SHROOM4: variants seen among roughly 807,000 people sequenced by gnomAD.
SHROOM4 encodes protein Shroom4.
Under a neutral mutation model 80.3 loss-of-function variants are expected in SHROOM4, and 17 were observed. That is an observed-to-expected ratio of 0.21 (90% CI 0.14 to 0.32). The LOEUF (loss-of-function observed/expected upper bound fraction) is 0.32. SHROOM4 is among the 10% of genes least tolerant of loss of function. SHROOM4 has a pLI of 1.00. For synonymous variants in SHROOM4, 400 were observed against 437.5 expected (o/e 0.91, Z 1.07); for missense variants, 993 against 1,140.3 (o/e 0.87, Z 1.86).
chrX:50,644,309 C>T (rs1931737924), intron 2 of SHROOM4, among the ~76,000 whole-genome samples: 2 of 111,964 alleles, frequency 1.8e-5, no homozygotes, highest in African/African-American at 6.5e-5. Context: ...TGGCAACTTA[C>T]TCCCACTCTC....
At position 50,596,156 on chromosome X, in the gene SHROOM4, A is replaced by AT. The variant is rs782191701; in HGVS notation, c.*538dup. The AT allele has an allele frequency of 3.5e-3, 1,166 of 328,633 alleles. 7 individuals carry two copies. Among genetic ancestry groups the AT allele is most frequent in the Non-Finnish European group, 3.8e-3 (642 of 169,963 alleles). 27.1% of individuals were successfully genotyped at this position (328,633 alleles called of 1,213,427 possible). ...CTGGGGGTACTCAACCTTTGCTTGC[A>AT]TTTTTTTCAGTGTAATTCCTCCCTC... On this transcript the variant is annotated 3_prime_UTR_variant, in exon 9 of 9. Transcript: ENST00000376020.
chrX:50,746,093 T>C lies in SHROOM4; in HGVS notation c.118-50156A>G, dbSNP rs893417794. 3.6e-5 allele frequency among the ~76,000 whole-genome samples: 4 copies of C among 111,908 alleles called. 1 individual carries two copies. Among genetic ancestry groups the C allele is most frequent in the Middle Eastern group, 9.3e-3 (2 of 216 alleles). ...TTGTTTGAATTAACAGATTTATTAA[T>C]GTATAGTTGATATACATTAAACTGC... On this transcript the variant is annotated intron_variant, in intron 1 of 8. Coordinates refer to ENST00000376020, the MANE Select transcript of SHROOM4 (RefSeq NM_020717.5).
At chrX:50,599,008 T>G (rs62592883) in intron 7 of SHROOM4, among the ~76,000 whole-genome samples, 8 of 98,823 alleles carry the variant, frequency 8.1e-5, no homozygotes, top group African/African-American at 1.5e-4. Flanking sequence ...GTGTGTGTGT[T>G]TGTGTGTGTG....
rs1397097485 is a variant in SHROOM4, at chrX:50,739,243, G to C, written c.118-43306C>G. Among the ~76,000 whole-genome samples, 6 of 111,408 alleles carry C rather than the reference G, an allele frequency of 5.4e-5. No homozygotes were observed. The Admixed American group carries it at 5.7e-4, about 11-fold the overall frequency. ...CATAAAAACCCTAGAAGAAAACCTA[G>C]GCAATACCATTCAGGACATAGGCAT... On this transcript the variant is annotated intron_variant, in intron 1 of 8. Coordinates refer to ENST00000376020, the MANE Select transcript of SHROOM4 (RefSeq NM_020717.5).
rs995851829 is a variant in SHROOM4 at position 50,592,526 on chromosome X, C to G, written c.*4169G>C. ...CCAAAGCTGGACTCTTTCTACTCTA[C>G]CACAATGGATATCTTGAGTAGAAGG... On this transcript the variant is annotated 3_prime_UTR_variant, in exon 9 of 9. Coordinates refer to ENST00000376020, the MANE Select transcript of SHROOM4 (RefSeq NM_020717.5). 4 of 180,046 alleles carry G rather than the reference C, an allele frequency of 2.2e-5. No homozygotes were observed. Among genetic ancestry groups the G allele is most frequent in the Non-Finnish European group, 2.0e-5 (2 of 97,573 alleles). 14.8% of individuals were successfully genotyped at this position (180,046 alleles called of 1,213,427 possible).
chrX:50,764,052 T>C (rs1053986409), intron 1 of SHROOM4, among the ~76,000 whole-genome samples: 4 of 111,595 alleles, frequency 3.6e-5, no homozygotes, highest in African/African-American at 1.3e-4. Context: ...CTTTTAGGAG[T>C]GAGTTTTTCC....
At chrX:50,582,554 T>C (rs1245123496), downstream of SHROOM4, among the ~76,000 whole-genome samples, 1 of 112,018 alleles carries the variant, frequency 8.9e-6, no homozygotes, top group Non-Finnish European at 1.9e-5. Context: ...AATTGTTACT[T>C]CCTTTGGAAA....
At chrX:50,684,244 C>T (rs1933008227) in intron 2 of SHROOM4, among the ~76,000 whole-genome samples, 1 of 111,391 alleles carries the variant, frequency 9.0e-6, no homozygotes, top group African/African-American at 3.3e-5. Flanking sequence ...GCCACATAGA[C>T]ACAGACACAC....
intron 8 of SHROOM4, 44 bp from the exon 9 acceptor site, chrX:50,597,008 G>A: frequency 8.4e-7 from 1 of 1,190,697 alleles, no homozygotes; most frequent in South Asian, 1.8e-5. Flanking sequence ...CAATTACCAG[G>A]CATCTGTCCA....
intron 1 of SHROOM4, among the ~76,000 whole-genome samples, chrX:50,735,677 A>G (rs1557266648): frequency 9.0e-6 from 1 of 111,727 alleles, no homozygotes; most frequent in Non-Finnish European, 1.9e-5. Flanking sequence ...ACATTTATCC[A>G]AACAATATAT....
intron 1 of SHROOM4, among the ~76,000 whole-genome samples, chrX:50,742,180 ATAT>A (rs1340283734): frequency 9.1e-6 from 1 of 109,996 alleles, no homozygotes; most frequent in Non-Finnish European, 1.9e-5. Flanking sequence ...ATTATTGTCA[ATAT>A]TATACTGTTT....
rs370096863 is a variant in SHROOM4 at position 50,693,586 on chromosome X, C to CT, written c.269+2199dup. Among the ~76,000 whole-genome samples the CT allele has an allele frequency of 6.8e-3, 646 of 95,618 alleles. 4 individuals carry two copies. The highest frequency in any genetic ancestry group is 0.01 in the Non-Finnish European group (490 of 47,212). 83.0% of individuals were successfully genotyped at this position (95,618 alleles called of 115,157 possible). ...ATTTCAAAAAAAAAAAAAGTAAGAG[C>CT]TTTTTTTTTTTTTATTAACACGTAA... is the stretch of plus-strand genomic sequence containing the variant. On this transcript the variant is annotated intron_variant, in intron 2 of 8. Coordinates refer to ENST00000376020, the MANE Select transcript of SHROOM4 (RefSeq NM_020717.5).
intron 2 of SHROOM4, among the ~76,000 whole-genome samples, chrX:50,684,264 G>T (rs1356567156): frequency 1.8e-5 from 2 of 111,389 alleles, no homozygotes; most frequent in African/African-American, 6.5e-5. Context: ...CAGAGACACA[G>T]GGGAAAGGGC....
rs782730288 is a variant in SHROOM4, at chrX:50,596,651, C to T, written c.*44G>A. 39 of 1,200,859 alleles carry T rather than the reference C, an allele frequency of 3.2e-5. No individual in the cohort carries two copies. In the South Asian group the frequency reaches 6.9e-4, roughly 21 times the overall value. ...CTAACAAAGAAGATTGAAAGCACTT[C>T]CCACATGGCTGGGCAGGGATGCTGT... is the stretch of plus-strand genomic sequence containing the variant. On this transcript the variant is annotated 3_prime_UTR_variant, in exon 9 of 9. Coordinates refer to ENST00000376020, the MANE Select transcript of SHROOM4 (RefSeq NM_020717.5).
chrX:50,618,374 T>C (rs1476186694), intron 5 of SHROOM4, among the ~76,000 whole-genome samples: 8 of 46,724 alleles, frequency 1.7e-4, no homozygotes, highest in Non-Finnish European at 2.6e-4. Flanking sequence ...CTTCCTTCCT[T>C]CCTTCCTTCC....
chrX:50,737,544 T>C (rs1195122273), intron 1 of SHROOM4, among the ~76,000 whole-genome samples: 10 of 109,925 alleles, frequency 9.1e-5, no homozygotes, highest in African/African-American at 3.3e-4. Context: ...CATAAGAGAG[T>C]TGAAGTGGCT....
intron 7 of SHROOM4, among the ~76,000 whole-genome samples, chrX:50,602,179 C>T (rs1448725077): frequency 9.2e-6 from 1 of 108,956 alleles, no homozygotes; most frequent in Non-Finnish European, 1.9e-5. Context: ...GCAACCTCCG[C>T]CTCCCGGGTT....
chrX:50,769,948 G>C (rs1935362086), intron 1 of SHROOM4, among the ~76,000 whole-genome samples: 1 of 109,540 alleles, frequency 9.1e-6, no homozygotes, highest in Non-Finnish European at 1.9e-5. Context: ...CACTGCATTA[G>C]TCATCTGAGT....
At chrX:50,754,893 G>A (rs1935005453) in intron 1 of SHROOM4, among the ~76,000 whole-genome samples, 1 of 112,102 alleles carries the variant, frequency 8.9e-6, no homozygotes, top group Admixed American at 9.4e-5. Context: ...ATGGGCTTTG[G>A]CACCAAAATG....
Sources: gnomAD v4.1 joint callset for allele counts (sites outside exome capture counted in the v4.1 genomes callset) on GRCh38, gnomAD v4.1.1 for gene constraint, MANE v1.5 for transcripts, NCBI Gene and HGNC (gene_info 2026-07-23, HGNC 2026-07-21) for gene names.